The following CHSY1 variants were observed in gnomAD, a reference collection of about 807,000 sequenced individuals.
CHSY1 encodes N-acetylgalactosaminyl-proteoglycan 3-beta-glucuronosyltransferase 1.
CHSY1 carries 13 observed loss-of-function variants against 59.8 expected under a neutral mutation model. That is an observed-to-expected ratio of 0.22 (90% confidence interval 0.14 to 0.35). The LOEUF is 0.35. CHSY1 is among the 10% of genes least tolerant of loss of function. CHSY1 has a pLI of 1.00. For synonymous variants in CHSY1, 459 were observed against 401.2 expected, an observed-to-expected ratio of 1.14 and a Z score of -1.72; for missense variants, 947 against 1,030.6, an observed-to-expected ratio of 0.92 and a Z score of 1.11.
chr15:101,186,840 AGAC>A, intron 2 of CHSY1: 1 of 152,178 alleles, frequency 6.6e-6, no homozygotes, highest in African/African-American at 2.4e-5. Context: ...AAACAAAAAC[AGAC>A]AAAAAACACA....
intron 2 of CHSY1, among the ~76,000 whole-genome samples, chr15:101,206,663 T>A (rs1004460137): frequency 2.0e-5 from 3 of 152,184 alleles, no homozygotes; most frequent in African/African-American, 7.2e-5. Flanking sequence ...AGATATTAAT[T>A]AATAGGCTAC....
chr15:101,226,280 T>G (rs544950294), intron 2 of CHSY1, among the ~76,000 whole-genome samples: 1 of 152,264 alleles, frequency 6.6e-6, no homozygotes, highest in South Asian at 2.1e-4. Flanking sequence ...GCCCTCACAT[T>G]TCACAAGCAA....
chr15:101,192,787 C>T (rs1008641541), intron 2 of CHSY1, among the ~76,000 whole-genome samples: 3 of 152,168 alleles, frequency 2.0e-5, no homozygotes, highest in African/African-American at 4.8e-5. Flanking sequence ...AAGTAATCAT[C>T]CTACATGTAT....
chr15:101,179,472 G>C (rs1194983301), intron 2 of CHSY1, among the ~76,000 whole-genome samples: 2 of 152,220 alleles, frequency 1.3e-5, no homozygotes, highest in African/African-American at 4.8e-5. Context: ...CTTCCAGGGA[G>C]CTAAGGGAAG....
At chr15:101,220,964 CAG>C (rs530528438) in intron 2 of CHSY1, among the ~76,000 whole-genome samples, 212 of 152,322 alleles carry the variant, frequency 1.4e-3, no homozygotes, top group African/African-American at 4.7e-3. Context: ...GCTTCAGACT[CAG>C]TGCCACCTGC....
At chr15:101,206,995 C>T (rs1180360512) in intron 2 of CHSY1, among the ~76,000 whole-genome samples, 1 of 152,166 alleles carries the variant, frequency 6.6e-6, no homozygotes, top group African/African-American at 2.4e-5. Flanking sequence ...ACCACTCTCG[C>T]GTGTCAGCAC....
chr15:101,245,550 G>T (rs2039041905), intron 1 of CHSY1, among the ~76,000 whole-genome samples: 1 of 152,158 alleles, frequency 6.6e-6, no homozygotes, highest in Admixed American at 6.5e-5. Context: ...CCTGTATTTG[G>T]AATCTACTGT....
Position 101,248,512 on chromosome 15 carries a change from T to C in CHSY1, c.320+2625A>G, listed in dbSNP as rs80236269. On this transcript the variant is annotated intron_variant, in intron 1 of 2. Coordinates refer to ENST00000254190, the MANE Select transcript of CHSY1 (RefSeq NM_014918.5). ...GTGAGAGAGCTGGAGTGACATTAGC[T>C]GGACACTATCTCCTGGTAGGCGTTT... Among the ~76,000 whole-genome samples the C allele has an allele frequency of 2.8e-3, 429 of 152,324 alleles. 4 individuals carry two copies. The highest frequency in any genetic ancestry group is 1.0e-2 in the African/African-American group (415 of 41,558).
At position 101,233,133 on chromosome 15, in the gene CHSY1, C is replaced by T. The variant is rs182957201; in HGVS notation, c.816+1949G>A. ...GACAGGATCATTCCATGCACCCCTTCGCAGGCCATCAGAAACCTTTTGTGA... is the reference window on the plus strand; with the variant it reads ...GACAGGATCATTCCATGCACCCCTTTGCAGGCCATCAGAAACCTTTTGTGA... On this transcript the variant is annotated intron_variant, in intron 2 of 2. Coordinates refer to ENST00000254190, the MANE Select transcript of CHSY1 (RefSeq NM_014918.5). 1.1e-4 allele frequency among the ~76,000 whole-genome samples: 16 copies of T among 152,320 alleles called. 1 individual carries two copies. The South Asian group carries it at 2.3e-3, about 22-fold the overall frequency.
intron 1 of CHSY1, among the ~76,000 whole-genome samples, chr15:101,250,573 TTC>T (rs758216727): frequency 1.3e-5 from 2 of 152,178 alleles, no homozygotes; most frequent in Admixed American, 6.5e-5. Context: ...TTCCCCAAGG[TTC>T]TCTCTCTCTG....
At chr15:101,233,556 C>A (rs1260927816) in intron 2 of CHSY1, among the ~76,000 whole-genome samples, 2 of 152,056 alleles carry the variant, frequency 1.3e-5, no homozygotes, top group East Asian at 3.9e-4. Context: ...CAGCGTGAAA[C>A]CCTCAAACAG....
chr15:101,220,636 C>T, intron 2 of CHSY1, among the ~76,000 whole-genome samples: 1 of 152,184 alleles, frequency 6.6e-6, no homozygotes, highest in East Asian at 1.9e-4. Flanking sequence ...GCAGAGGGAC[C>T]CTCTGGAAAT....
intron 2 of CHSY1, among the ~76,000 whole-genome samples, chr15:101,197,671 T>C (rs759549324): frequency 3.9e-5 from 6 of 152,212 alleles, no homozygotes; most frequent in South Asian, 2.1e-4. Context: ...GCTATAAATG[T>C]ATATAATGTT....
At position 101,177,248 on chromosome 15, in the gene CHSY1, C is replaced by T; in HGVS notation, c.*140G>A. Reference sequence around the variant, plus strand: ...ACTGATCACCTTCTTGTTCAGAAAGCTCAATCTTAAAGGAGTCCTATGTAA... The same window carrying T: ...ACTGATCACCTTCTTGTTCAGAAAGTTCAATCTTAAAGGAGTCCTATGTAA... On this transcript the variant is annotated 3_prime_UTR_variant, in exon 3 of 3. Coordinates refer to ENST00000254190, the MANE Select transcript of CHSY1 (RefSeq NM_014918.5). 1 of 730,782 alleles carries T rather than the reference C, an allele frequency of 1.4e-6. No individual in the cohort carries two copies. Among genetic ancestry groups the T allele is most frequent in the Non-Finnish European group, 2.2e-6 (1 of 461,334 alleles). 45.3% of individuals were successfully genotyped at this position (730,782 alleles called of 1,614,324 possible). A position where few individuals can be genotyped will look rare whatever the true frequency, so the allele number is the denominator to read the frequency against.
chr15:101,240,344 GCTGTCCC>G (rs1242659445), intron 1 of CHSY1, among the ~76,000 whole-genome samples: 2 of 152,340 alleles, frequency 1.3e-5, no homozygotes, highest in East Asian at 3.9e-4. Context: ...AAAGAAGCAA[GCTGTCCC>G]CTCTTCTGCA....
At chr15:101,250,653 C>T (rs2039097856) in intron 1 of CHSY1, among the ~76,000 whole-genome samples, 2 of 152,218 alleles carry the variant, frequency 1.3e-5, no homozygotes, top group Admixed American at 6.5e-5. Context: ...GTGCCTCCAA[C>T]TGCGAAATGT....
intron 2 of CHSY1, among the ~76,000 whole-genome samples, chr15:101,221,983 A>G (rs2141267124): frequency 6.6e-6 from 1 of 152,324 alleles, no homozygotes; most frequent in Middle Eastern, 3.4e-3. Flanking sequence ...CGAGCGTTAA[A>G]TTGCTGAGTG....
At chr15:101,217,330 G>A (rs192652761) in intron 2 of CHSY1, among the ~76,000 whole-genome samples, 11 of 152,222 alleles carry the variant, frequency 7.2e-5, no homozygotes, top group African/African-American at 2.2e-4. Context: ...CATACAGATC[G>A]TCACATACAG....
intron 2 of CHSY1, among the ~76,000 whole-genome samples, chr15:101,212,769 T>C (rs1036456837): frequency 2.6e-5 from 4 of 152,188 alleles, no homozygotes; most frequent in African/African-American, 9.6e-5. Flanking sequence ...TCTAAAAGAA[T>C]AGCAAACTGT....
Sources: gnomAD v4.1 joint callset for allele counts (sites outside exome capture counted in the v4.1 genomes callset) on GRCh38, gnomAD v4.1.1 for gene constraint, MANE v1.5 for transcripts, NCBI Gene and HGNC (gene_info 2026-07-23, HGNC 2026-07-21) for gene names.